Variants in LARP1 observed in about 807,000 individuals in gnomAD.
LARP1 encodes La ribonucleoprotein 1, translational regulator, also known as la-related protein 1.
LARP1 carries 36 observed loss-of-function variants against 122.7 expected under a neutral mutation model. That is an observed-to-expected ratio of 0.29 (90% CI 0.22 to 0.39). The LOEUF (loss-of-function observed/expected upper bound fraction) is 0.39. LARP1 is among the 10% of genes least tolerant of loss of function. LARP1 has a pLI of 1.00. For missense variants in LARP1, 1,040 were observed against 1,403.6 expected, an observed-to-expected ratio of 0.74 and a Z score of 4.14; for synonymous variants, 539 against 528.7, an observed-to-expected ratio of 1.02 and a Z score of -0.27.
intron 1 of LARP1, among the ~76,000 whole-genome samples, chr5:154,730,160 T>C (rs1046067839): frequency 6.6e-6 from 1 of 152,224 alleles, no homozygotes; most frequent in African/African-American, 2.4e-5. Flanking sequence ...ACTTTCTTTG[T>C]GCTGTTCCTT....
intron 1 of LARP1, among the ~76,000 whole-genome samples, chr5:154,694,241 G>A (rs1271255485): frequency 2.0e-5 from 3 of 152,006 alleles, no homozygotes; most frequent in East Asian, 3.9e-4. Flanking sequence ...TAAGGACCAC[G>A]TTTTTATTTT....
At chr5:154,793,130 G>T (rs1456891995) in intron 4 of LARP1, among the ~76,000 whole-genome samples, 1 of 152,086 alleles carries the variant, frequency 6.6e-6, no homozygotes, top group Non-Finnish European at 1.5e-5. Context: ...GCTTGCTGTG[G>T]TACACCGGTT....
chr5:154,738,694 C>T (rs1291449320), intron 1 of LARP1, among the ~76,000 whole-genome samples: 5 of 152,096 alleles, frequency 3.3e-5, no homozygotes, highest in Non-Finnish European at 7.4e-5. Flanking sequence ...TTAGACCATA[C>T]ATTATTTTTG....
chr5:154,750,135 T>C (rs898898705), intron 1 of LARP1, among the ~76,000 whole-genome samples: 14 of 152,254 alleles, frequency 9.2e-5, no homozygotes, highest in African/African-American at 2.7e-4. Context: ...CTTTAGGAAG[T>C]TGTCAGCACA....
At chr5:154,763,954 G>A (rs1754692887) in intron 1 of LARP1, among the ~76,000 whole-genome samples, 1 of 151,538 alleles carries the variant, frequency 6.6e-6, no homozygotes, top group African/African-American at 2.4e-5. Flanking sequence ...GGTAAAGGCT[G>A]CAGTGAAAGA....
chr5:154,730,154 T>C (rs1455437922), intron 1 of LARP1, among the ~76,000 whole-genome samples: 2 of 152,222 alleles, frequency 1.3e-5, no homozygotes, highest in South Asian at 4.1e-4. Flanking sequence ...TTTATGACTT[T>C]CTTTGTGCTG....
At chr5:154,734,894 A>G (rs907359093) in intron 1 of LARP1, among the ~76,000 whole-genome samples, 1 of 152,126 alleles carries the variant, frequency 6.6e-6, no homozygotes, top group Non-Finnish European at 1.5e-5. Context: ...CTGACTTTAG[A>G]TATCTCATAT....
chr5:154,794,337 C>T, intron 7 of LARP1, 75 bp downstream of exon 7: 1 of 1,479,042 alleles, frequency 6.8e-7, no homozygotes, highest in Non-Finnish European at 9.3e-7. Context: ...CATAGCTGGG[C>T]AGGCCCTTCT....
At chr5:154,722,715 C>T (rs1271595362) in intron 1 of LARP1, among the ~76,000 whole-genome samples, 1 of 133,132 alleles carries the variant, frequency 7.5e-6, no homozygotes, top group Non-Finnish European at 1.5e-5. Flanking sequence ...GAGTCTCACT[C>T]TATCGCCCAG....
At chr5:154,779,020 T>G (rs1756161236) in intron 1 of LARP1, among the ~76,000 whole-genome samples, 1 of 150,800 alleles carries the variant, frequency 6.6e-6, no homozygotes, top group Middle Eastern at 3.2e-3. Context: ...CCATATTCTC[T>G]CCCCGCTTAC....
chr5:154,800,545 C>T (rs1426885628), intron 10 of LARP1, among the ~76,000 whole-genome samples: 3 of 152,124 alleles, frequency 2.0e-5, no homozygotes, highest in African/African-American at 7.2e-5. Flanking sequence ...CCTGTTCATA[C>T]CTCAAGGCTT....
rs138415109 is a variant in LARP1 at position 154,706,295 on chromosome 5, AAATAATAATAAT to A, written c.-180+23288_-180+23299del. Among the ~76,000 whole-genome samples the A allele has an allele frequency of 2.8e-3, 399 of 142,676 alleles. 4 individuals carry two copies. In the East Asian group the frequency reaches 0.028, roughly 10 times the overall value. 93.6% of individuals were successfully genotyped at this position (142,676 alleles called of 152,430 possible). A position where few individuals can be genotyped will look rare whatever the true frequency, so the allele number is the denominator to read the frequency against. ...GGAGACAGAGTGCGACTTTGTCTCA[AAATAATAATAAT>A]AATAATAATAATAATAATAATAATA... On this transcript the variant is annotated intron_variant, in intron 1 of 18. Coordinates refer to the LARP1 transcript ENST00000687700.
intron 1 of LARP1, among the ~76,000 whole-genome samples, chr5:154,728,550 GGAGA>G (rs1354175906): frequency 6.6e-6 from 1 of 152,082 alleles, no homozygotes; most frequent in East Asian, 1.9e-4. Flanking sequence ...CTGGGAAAAT[GGAGA>G]GAGAGGCAGA....
chr5:154,703,120 C>CAA (rs757446137), intron 1 of LARP1, among the ~76,000 whole-genome samples: 1,031 of 38,706 alleles, frequency 0.027, 158 homozygotes, highest in Non-Finnish European at 0.036. Context: ...GACGCTGTCT[C>CAA]AAAAAAAAAA....
chr5:154,809,436 TCATTCCAGAGA>T (rs1759073510), intron 16 of LARP1, among the ~76,000 whole-genome samples: 1 of 131,892 alleles, frequency 7.6e-6, no homozygotes, highest in Admixed American at 8.5e-5. Context: ...AAAACATCCA[TCATTCCAGAGA>T]CAGCAAGTGT....
chr5:154,738,506 C>T (rs1041143128), intron 1 of LARP1, among the ~76,000 whole-genome samples: 3 of 152,036 alleles, frequency 2.0e-5, no homozygotes, highest in Non-Finnish European at 2.9e-5. Context: ...GCAGGAGAAT[C>T]GCTTGAACCT....
intron 1 of LARP1, among the ~76,000 whole-genome samples, chr5:154,764,920 GAAAC>G (rs1186466168): frequency 1.3e-4 from 19 of 145,930 alleles, no homozygotes; most frequent in Non-Finnish European, 2.3e-4. Context: ...AAAAAAAAAA[GAAAC>G]AACAAAAAAA....
intron 1 of LARP1, among the ~76,000 whole-genome samples, chr5:154,785,288 T>C (rs1756792232): frequency 6.6e-6 from 1 of 152,230 alleles, no homozygotes; most frequent in Non-Finnish European, 1.5e-5. Context: ...ATTTGCAGTC[T>C]GGACTGTATG....
Position 154,803,521 on chromosome 5 carries a change from C to T in LARP1, c.2234-19C>T, listed in dbSNP as rs368815001. 45 of 1,613,990 alleles carry T rather than the reference C, an allele frequency of 2.8e-5. No individual in the cohort carries two copies. Among genetic ancestry groups the T allele is most frequent in the Non-Finnish European group, 3.4e-5 (40 of 1,180,020 alleles). ...ACAGGCCTTTCCCTGCTTCCTGACT[C>T]CTCTCTCTGCCTCTGCAGTTCCTAC... On this transcript the variant is annotated intron_variant, in intron 12 of 18. Coordinates refer to ENST00000518297, the MANE Select transcript of LARP1 (RefSeq NM_033551.3). This position sits in a 1 kb window ranked among gnomAD's most constrained non-coding sequence, Gnocchi z 4.4.
Sources: allele counts gnomAD v4.1 joint callset (sites outside exome capture counted in the v4.1 genomes callset), GRCh38; gene constraint gnomAD v4.1.1; non-coding constraint Gnocchi (gnomAD v3.1); transcripts MANE v1.5; gene names NCBI Gene and HGNC (gene_info 2026-07-23, HGNC 2026-07-21).